Variants in COL4A1 observed in about 807,000 individuals in gnomAD.
The protein encoded by COL4A1 is collagen alpha-1(IV) chain.
In COL4A1, 40 loss-of-function variants were observed where a neutral mutation model predicts 216.6. The observed-to-expected ratio is 0.18, with a 90% CI of 0.14 to 0.24. The LOEUF is 0.24. Ranked by LOEUF, COL4A1 falls within the 10% of genes least tolerant of loss-of-function variation. The pLI, the probability that COL4A1 is intolerant of heterozygous loss-of-function variation, is 1.00. For missense variants in COL4A1, 1,628 were observed against 2,196.8 expected, an observed-to-expected ratio of 0.74 and a Z score of 5.18; for synonymous variants, 839 against 810.7, an observed-to-expected ratio of 1.03 and a Z score of -0.59.
At chr13:110,261,036 C>CAAACAAAAAA (rs1555313035) in intron 1 of COL4A1, among the ~76,000 whole-genome samples, 2 of 83,452 alleles carry the variant, frequency 2.4e-5, no homozygotes, top group African/African-American at 9.8e-5. Flanking sequence ...GACTCCGTCT[C>CAAACAAAAAA]AAAAAAAAAA....
Position 110,192,300 on chromosome 13 carries a change from G to C in COL4A1, c.1466-16C>G. On this transcript the variant is annotated splice_polypyrimidine_tract_variant and intron_variant, in intron 23 of 51. Coordinates refer to ENST00000375820, the MANE Select transcript of COL4A1 (RefSeq NM_001845.6). ...CCTGGGAAACCTTTCGTGAGAGAGA[G>C]GGAAAAAGACAGCAACACAGCATTC... 6.2e-7 allele frequency: 1 copy of C among 1,613,400 alleles called. No individual in the cohort carries two copies. Among genetic ancestry groups the C allele is most frequent in the Non-Finnish European group, 8.5e-7 (1 of 1,179,380 alleles).
At chr13:110,174,070 CT>C in intron 39 of COL4A1, 72 bp from the exon 40 acceptor site, 1 of 1,516,538 alleles carries the variant, frequency 6.6e-7, no homozygotes, top group Non-Finnish European at 9.1e-7. Flanking sequence ...CAAAATGGCC[CT>C]TTGCTGACAT....
chr13:110,196,061 A>T (rs1307393145), intron 21 of COL4A1, among the ~76,000 whole-genome samples: 1 of 152,200 alleles, frequency 6.6e-6, no homozygotes, highest in Non-Finnish European at 1.5e-5. Flanking sequence ...CCCAGCTAGA[A>T]CCAGAATGCC....
chr13:110,170,177 G>A (rs12868126), intron 42 of COL4A1, among the ~76,000 whole-genome samples: 25,313 of 151,272 alleles, frequency 0.17, 2,423 homozygotes, highest in East Asian at 0.26. Context: ...CACTGTCTCC[G>A]TGTCCAAAAT....
intron 1 of COL4A1, among the ~76,000 whole-genome samples, chr13:110,272,117 AG>A (rs1409962844): frequency 6.6e-6 from 1 of 152,244 alleles, no homozygotes; most frequent in Non-Finnish European, 1.5e-5. Flanking sequence ...AAACAAAAAA[AG>A]TTTCTCCGCC....
At chr13:110,262,198 G>C (rs1258244355) in intron 1 of COL4A1, among the ~76,000 whole-genome samples, 2 of 152,114 alleles carry the variant, frequency 1.3e-5, no homozygotes, top group African/African-American at 4.8e-5. Flanking sequence ...AGAGGTGGGG[G>C]TCACTGCCTG....
intron 1 of COL4A1, among the ~76,000 whole-genome samples, chr13:110,267,504 G>A (rs1883089539): frequency 1.3e-5 from 2 of 152,104 alleles, no homozygotes; most frequent in African/African-American, 4.8e-5. Flanking sequence ...TCCCTGTGCT[G>A]GAGCACCCAG....
At chr13:110,195,971 C>T (rs564613927) in intron 21 of COL4A1, among the ~76,000 whole-genome samples, 1 of 152,228 alleles carries the variant, frequency 6.6e-6, no homozygotes, top group South Asian at 2.1e-4. Context: ...ATAGAAGGGC[C>T]CCAGGGTGTG....
Position 110,150,146 on chromosome 13 carries a change from GGTA to G in COL4A1, c.*214_*216del. The stretch of plus-strand genomic sequence containing the variant: ...TTTTATTTCATCAAAAGTGCCATTT[GGTA>G]TGCCACTATTGAAAGCTTATCGCTG... On this transcript the variant is annotated 3_prime_UTR_variant, in exon 52 of 52. Transcript: ENST00000375820. 1.7e-6 allele frequency: 1 copy of G among 603,274 alleles called. No homozygotes were observed. The highest frequency in any genetic ancestry group is 1.9e-5 in the South Asian group (1 of 53,140). The allele number at this position is 603,274 out of a possible 1,614,324, so 37.4% of individuals were successfully genotyped here. A position where few individuals can be genotyped will look rare whatever the true frequency, so the allele number is the denominator to read the frequency against.
At chr13:110,159,287 T>C (rs1054609861) in intron 49 of COL4A1, among the ~76,000 whole-genome samples, 3 of 152,090 alleles carry the variant, frequency 2.0e-5, no homozygotes, top group Non-Finnish European at 4.4e-5. Context: ...GTGTGTGTAT[T>C]ATTGTATAAC....
intron 24 of COL4A1, 114 bp downstream of exon 24, chr13:110,192,100 A>C: frequency 9.2e-7 from 1 of 1,083,912 alleles, no homozygotes; most frequent in Non-Finnish European, 1.4e-6. Flanking sequence ...AGCAACACTT[A>C]CCAGCTCCCA....
intron 2 of COL4A1, among the ~76,000 whole-genome samples, chr13:110,226,483 C>G (rs1420671035): frequency 1.3e-5 from 2 of 152,166 alleles, no homozygotes; most frequent in African/African-American, 4.8e-5. Context: ...TAACATTTTC[C>G]CCCAGCATGC....
At chr13:110,188,543 G>A (rs1878497203) in intron 24 of COL4A1, among the ~76,000 whole-genome samples, 1 of 152,234 alleles carries the variant, frequency 6.6e-6, no homozygotes, top group Non-Finnish European at 1.5e-5. Context: ...ACTCAAAGAA[G>A]TGAGCTGATA....
chr13:110,221,214 C>T lies in COL4A1; in HGVS notation c.145-7199G>A, dbSNP rs116360437. On this transcript the variant is annotated intron_variant, in intron 2 of 51. Coordinates refer to ENST00000375820, the MANE Select transcript of COL4A1 (RefSeq NM_001845.6). ...TCATATGTAATCCAAAGCTAGAAGG[C>T]GATGGTTACAAAGGAGATGCACAGT... Among the ~76,000 whole-genome samples the T allele has an allele frequency of 6.8e-3, 1,028 of 152,138 alleles. 20 individuals carry two copies. The highest frequency in any genetic ancestry group is 0.023 in the African/African-American group (963 of 41,498).
In COL4A1 at chr13:110,220,623, T is replaced by C. The variant is rs190775254; in HGVS notation, c.145-6608A>G. On this transcript the variant is annotated intron_variant, in intron 2 of 51. Coordinates refer to ENST00000375820, the MANE Select transcript of COL4A1 (RefSeq NM_001845.6). ...GAGACTTCGGGACTTGTCCTGCCTC[T>C]TCTAAAGCACGTGGGGTTGTTTGGG... is the stretch of plus-strand genomic sequence containing the variant. Among the ~76,000 whole-genome samples the C allele has an allele frequency of 3.0e-3, 456 of 152,322 alleles. 3 individuals are homozygous for C. The highest frequency in any genetic ancestry group is 4.4e-3 in the Non-Finnish European group (302 of 68,032).
intron 19 of COL4A1, 147 bp downstream of exon 19, chr13:110,201,291 A>G (rs1334753631): frequency 2.5e-5 from 12 of 477,668 alleles, no homozygotes; most frequent in African/African-American, 1.4e-4. Context: ...GGAGGAAGAG[A>G]AGGAGGGGGC....
rs139448202 is a variant in COL4A1, at chr13:110,187,261, G to A, written c.1605C>T (p.Phe535=). The A allele has an allele frequency of 1.1e-5, 18 of 1,613,600 alleles. No homozygotes were observed. Among genetic ancestry groups the A allele is most frequent in the Admixed American group, 1.7e-5 (1 of 59,980 alleles). Residue 535 remains phenylalanine, a synonymous_variant, in exon 25 of 52, where the codon TTC becomes TTT. Coordinates refer to ENST00000375820, the MANE Select transcript of COL4A1 (RefSeq NM_001845.6). ...CTTTGTCACCTTTGAGCCGCAAGTC[G>A]AAATAAAACTCACCAGGCTCCCCCT... The part of the protein sequence containing the change: ...GAKGEPGEFY[F]DLRLKGDKGD...
At chr13:110,164,766 C>T in intron 46 of COL4A1, 96 bp downstream of exon 46, 2 of 1,525,778 alleles carry the variant, frequency 1.3e-6, no homozygotes, top group Non-Finnish European at 8.8e-7. Flanking sequence ...ATAATCATTA[C>T]CCAGAAACTT....
At chr13:110,158,817 A>C (rs1438403043) in intron 49 of COL4A1, among the ~76,000 whole-genome samples, 2 of 143,506 alleles carry the variant, frequency 1.4e-5, no homozygotes, top group East Asian at 4.1e-4. Context: ...ATCCTGGCTC[A>C]CTGCAACCTC....
Sources: gnomAD v4.1 joint callset for allele counts (sites outside exome capture counted in the v4.1 genomes callset) on GRCh38, gnomAD v4.1.1 for gene constraint, MANE v1.5 for transcripts, NCBI Gene and HGNC (gene_info 2026-07-23, HGNC 2026-07-21) for gene names.